Variants in PCDHGA2 observed in about 807,000 individuals in gnomAD.
PCDHGA2 encodes protocadherin gamma-A2.
A neutral mutation model predicts 59.2 loss-of-function variants in PCDHGA2; 40 were observed. The observed-to-expected ratio is 0.68, with a 90% CI of 0.52 to 0.88. The LOEUF (loss-of-function observed/expected upper bound fraction) is 0.88. Among genes scored for constraint, PCDHGA2 ranks in the 40% least tolerant of loss-of-function variants. The pLI is 0.00. For synonymous variants in PCDHGA2, 560 were observed against 526.0 expected, an observed-to-expected ratio of 1.06 and a Z score of -0.89; for missense variants, 1,226 against 1,204.0, an observed-to-expected ratio of 1.02 and a Z score of -0.27.
chr5:141,415,747 T>TTTG, intron 1 of PCDHGA2: 1 of 797,602 alleles, frequency 1.3e-6, no homozygotes, highest in East Asian at 4.8e-5. Flanking sequence ...AAGGTTTTTT[T>TTTG]TTTTTTTTTT....
intron 1 of PCDHGA2, chr5:141,478,400 C>A (rs1295855090): frequency 6.2e-7 from 1 of 1,613,550 alleles, no homozygotes; most frequent in East Asian, 2.2e-5. Context: ...TCAGGTGTAT[C>A]TCACCACGGA....
Position 141,431,887 on chromosome 5 carries a change from T to G in PCDHGA2, c.2425-62920T>G. ...TTTTAAATGTAAATGACCAAGATTC[T>G]GAGGAAAACGGACAGGTGATCTGTT... On this transcript the variant is annotated intron_variant, in intron 1 of 3. Transcript: ENST00000394576. The surrounding 1 kb of genome is among the most constrained non-coding windows in gnomAD (Gnocchi z 4.8). 6.2e-7 allele frequency: 1 copy of G among 1,614,190 alleles called. No individual in the cohort carries two copies. Among genetic ancestry groups the G allele is most frequent in the Non-Finnish European group, 8.5e-7 (1 of 1,179,996 alleles).
At chr5:141,416,982 T>C (rs191309825) in intron 1 of PCDHGA2, 25 of 152,264 alleles carry the variant, frequency 1.6e-4, no homozygotes, top group African/African-American at 5.5e-4. Context: ...GAGTCAAAAT[T>C]ATTGTGCATT....
chr5:141,389,873 C>T (rs767569258), intron 1 of PCDHGA2: 2 of 1,614,070 alleles, frequency 1.2e-6, no homozygotes, highest in Admixed American at 1.7e-5. Context: ...TGGTCTTCGC[C>T]GACAGCTTGC....
chr5:141,428,121 G>T (rs764584436), intron 1 of PCDHGA2: 1 of 1,605,860 alleles, frequency 6.2e-7, no homozygotes. Context: ...CATCGAGCCC[G>T]GGCTTTTCAG....
At chr5:141,400,456 T>C (rs1439726103) in intron 1 of PCDHGA2, 2 of 1,614,090 alleles carry the variant, frequency 1.2e-6, no homozygotes, top group Non-Finnish European at 1.7e-6. Flanking sequence ...AGACATACTT[T>C]GTGGTGATTC....
chr5:141,452,678 C>T (rs1311364057), intron 1 of PCDHGA2, among the ~76,000 whole-genome samples: 1 of 150,100 alleles, frequency 6.7e-6, no homozygotes, highest in African/African-American at 2.5e-5. Flanking sequence ...GCCTAGGCCA[C>T]AGAATGAAAC....
intron 1 of PCDHGA2, chr5:141,410,904 A>G (rs2095446600): frequency 3.8e-6 from 1 of 262,528 alleles, no homozygotes; most frequent in African/African-American, 3.2e-5. Flanking sequence ...CCTAGGCTGG[A>G]GTGCAGTGGC....
At chr5:141,450,033 G>T (rs1377962229) in intron 1 of PCDHGA2, among the ~76,000 whole-genome samples, 2 of 131,450 alleles carry the variant, frequency 1.5e-5, no homozygotes, top group Admixed American at 8.4e-5. Flanking sequence ...TTGAGACAGG[G>T]TCTCACTCTT....
chr5:141,374,518 C>T (rs766036470), intron 1 of PCDHGA2: 2 of 1,612,420 alleles, frequency 1.2e-6, no homozygotes, highest in South Asian at 1.1e-5. Flanking sequence ...TTCTCGAAAA[C>T]GCAGCTCCAT....
In PCDHGA2 at chr5:141,490,673, C is replaced by T; in HGVS notation, c.2425-4134C>T. ...GGCTCCCTTCTTTGCACTGTGGCTG[C>T]CTCAGATCCAGACACTGGGGATAAT... On this transcript the variant is annotated intron_variant, in intron 1 of 3. Coordinates refer to ENST00000394576, the MANE Select transcript of PCDHGA2 (RefSeq NM_018915.4). This position sits in a 1 kb window ranked among gnomAD's most constrained non-coding sequence, Gnocchi z 5.4. 1.2e-6 allele frequency: 2 copies of T among 1,614,126 alleles called. No homozygotes were observed. The highest frequency in any genetic ancestry group is 1.7e-6 in the Non-Finnish European group (2 of 1,179,952).
chr5:141,410,224 C>T, intron 1 of PCDHGA2: 2 of 1,614,028 alleles, frequency 1.2e-6, no homozygotes, highest in Non-Finnish European at 8.5e-7. Context: ...TACTGCCAGA[C>T]CTCAGCGACC....
At chr5:141,352,463 G>T (rs779356890) in intron 1 of PCDHGA2, 8 of 1,614,020 alleles carry the variant, frequency 5.0e-6, no homozygotes, top group Non-Finnish European at 6.8e-6. Flanking sequence ...TGGGCCCGGG[G>T]TTCCTCCCAA....
chr5:141,350,595 A>G (rs1318034873), intron 1 of PCDHGA2: 2 of 1,614,002 alleles, frequency 1.2e-6, no homozygotes, highest in African/African-American at 1.3e-5. Flanking sequence ...AACCCAATGA[A>G]TGTTTTCCAC....
chr5:141,468,330 CAA>C lies in PCDHGA2; in HGVS notation c.2425-26459_2425-26458del, dbSNP rs533390277. 202 of 79,822 alleles carry C rather than the reference CAA, an allele frequency of 2.5e-3. 2 individuals are homozygous for C. The highest frequency in any genetic ancestry group is 7.9e-3 in the Middle Eastern group (1 of 126). The allele number at this position is 79,822 out of a possible 1,614,324, so 4.9% of individuals were successfully genotyped here. Reference sequence around the variant, plus strand: ...ACAAGAGCAACGGTAAACTCCATCTCAAAAAAAAAAAAAAAAAAAGAAAGAAA... The same window carrying C: ...ACAAGAGCAACGGTAAACTCCATCTCAAAAAAAAAAAAAAAAAGAAAGAAA... On this transcript the variant is annotated intron_variant, in intron 1 of 3. Transcript: ENST00000394576.
intron 2 of PCDHGA2, 76 bp from the exon 3 acceptor site, chr5:141,505,317 G>T: frequency 6.2e-7 from 1 of 1,603,092 alleles, no homozygotes. Flanking sequence ...AGGTTTGGGA[G>T]CCCTGGGAGA....
At chr5:141,420,301 C>CT (rs768732518) in intron 1 of PCDHGA2, 1 of 1,462,190 alleles carries the variant, frequency 6.8e-7, no homozygotes, top group African/African-American at 1.4e-5. Flanking sequence ...GTATTTAATC[C>CT]TTTTTATATT....
intron 1 of PCDHGA2, among the ~76,000 whole-genome samples, chr5:141,494,382 G>C (rs1311387598): frequency 6.6e-6 from 1 of 152,182 alleles, no homozygotes; most frequent in Non-Finnish European, 1.5e-5. Flanking sequence ...CCCAGCTGAG[G>C]AGTTGAATAA....
intron 1 of PCDHGA2, among the ~76,000 whole-genome samples, chr5:141,372,993 T>G (rs977934205): frequency 1.3e-5 from 2 of 152,356 alleles, no homozygotes; most frequent in African/African-American, 4.8e-5. Context: ...TTGCAGTTGT[T>G]CTTTCATAGA....
Sources: gnomAD v4.1 joint callset for allele counts (sites outside exome capture counted in the v4.1 genomes callset) on GRCh38, gnomAD v4.1.1 for gene constraint, Gnocchi (gnomAD v3.1) non-coding constraint, MANE v1.5 for transcripts, NCBI Gene and HGNC (gene_info 2026-07-23, HGNC 2026-07-21) for gene names.